PRDM1: variants seen among roughly 807,000 people sequenced by gnomAD.
The protein encoded by PRDM1 is PR/SET domain 1.
PRDM1 carries 13 observed loss-of-function variants against 62.8 expected under a neutral mutation model. That is an observed-to-expected ratio of 0.21 (90% CI 0.13 to 0.33). The LOEUF (loss-of-function observed/expected upper bound fraction) is 0.33. Among genes scored for constraint, PRDM1 ranks in the 10% least tolerant of loss-of-function variants. The pLI, the probability that PRDM1 is intolerant of heterozygous loss-of-function variation, is 1.00. For missense variants in PRDM1, 895 were observed against 1,058.8 expected, an observed-to-expected ratio of 0.85 and a Z score of 2.15; for synonymous variants, 396 against 417.6, an observed-to-expected ratio of 0.95 and a Z score of 0.63.
At chr6:106,079,439 A>T (rs1291393326) in intron 1 of PRDM1, among the ~76,000 whole-genome samples, 1 of 152,254 alleles carries the variant, frequency 6.6e-6, no homozygotes, top group Non-Finnish European at 1.5e-5. Context: ...AAGGCCAAAA[A>T]GCATATAATT....
At chr6:106,070,438 C>T (rs903885682) in intron 1 of PRDM1, among the ~76,000 whole-genome samples, 1 of 152,140 alleles carries the variant, frequency 6.6e-6, no homozygotes, top group South Asian at 2.1e-4. Context: ...TGCCTTACCA[C>T]AATCTATTTA....
At chr6:106,025,083 G>A (rs140925615) in intron 1 of PRDM1, among the ~76,000 whole-genome samples, 196 of 152,294 alleles carry the variant, frequency 1.3e-3, no homozygotes, top group Non-Finnish European at 2.4e-3. Context: ...AAATAGTGCT[G>A]TATAGAGGTG....
At chr6:105,996,202 C>T (rs73516741) in intron 1 of PRDM1, among the ~76,000 whole-genome samples, 7,225 of 152,152 alleles carry the variant, frequency 0.047, 359 homozygotes, top group African/African-American at 0.13. Context: ...CTAAATATAG[C>T]TTTCAAATAT....
chr6:106,031,628 AG>A (rs1353250061), intron 1 of PRDM1, among the ~76,000 whole-genome samples: 1 of 152,232 alleles, frequency 6.6e-6, no homozygotes, highest in Non-Finnish European at 1.5e-5. Context: ...GAGACCACCA[AG>A]GTGGGAAACA....
At chr6:106,021,481 C>T (rs550775186) in intron 1 of PRDM1, among the ~76,000 whole-genome samples, 1 of 152,292 alleles carries the variant, frequency 6.6e-6, no homozygotes, top group Non-Finnish European at 1.5e-5. Flanking sequence ...CTGAATTAAC[C>T]TGAGAGGCTC....
chr6:105,995,498 G>C (rs1421323378), intron 1 of PRDM1, among the ~76,000 whole-genome samples: 1 of 152,138 alleles, frequency 6.6e-6, no homozygotes, highest in East Asian at 1.9e-4. Flanking sequence ...GTGTAGGATA[G>C]AGGAAGAGCG....
intron 1 of PRDM1, among the ~76,000 whole-genome samples, chr6:106,005,875 G>C (rs995145815): frequency 6.6e-6 from 1 of 152,064 alleles, no homozygotes; most frequent in African/African-American, 2.4e-5. Context: ...AAAACTTTAC[G>C]GTTAGATATC....
chr6:106,066,177 T>C (rs1773431074), intron 1 of PRDM1, among the ~76,000 whole-genome samples: 1 of 152,158 alleles, frequency 6.6e-6, no homozygotes, highest in Non-Finnish European at 1.5e-5. Context: ...TGGTCATTAA[T>C]AGGCAAGCTT....
At position 106,034,306 on chromosome 6, in the gene PRDM1, GTTTGTTCTTTTCCTAGT is replaced by G. The variant is rs1265890690; in HGVS notation, c.-67+40669_-67+40685del. On this transcript the variant is annotated intron_variant, in intron 1 of 6. Transcript: ENST00000652320. ...CCTTCATCTTCTGGCTTTGGGTTTAGTTTGTTCTTTTCCTAGTTACTTAAGTTATATAGTTAGGTTGT... is the reference window on the plus strand; with the variant it reads ...CCTTCATCTTCTGGCTTTGGGTTTAGTACTTAAGTTATATAGTTAGGTTGT... 8.6e-5 allele frequency among the ~76,000 whole-genome samples: 13 copies of G among 151,726 alleles called. No homozygotes were observed. In the South Asian group the frequency reaches 2.5e-3, roughly 29 times the overall value.
chr6:106,014,884 G>T (rs1772601476), intron 1 of PRDM1, among the ~76,000 whole-genome samples: 1 of 152,156 alleles, frequency 6.6e-6, no homozygotes. Context: ...GTGAGCAGGG[G>T]TTTTGCTTTG....
chr6:106,097,314 C>T (rs1472397284), intron 3 of PRDM1, among the ~76,000 whole-genome samples: 1 of 152,198 alleles, frequency 6.6e-6, no homozygotes, highest in Admixed American at 6.5e-5. Context: ...TGAGAAAAGG[C>T]AAGAAGTACC....
At chr6:106,095,559 G>A (rs1774090395) in intron 2 of PRDM1, 56 bp from the exon 3 acceptor site, 3 of 1,579,654 alleles carry the variant, frequency 1.9e-6, no homozygotes, top group Non-Finnish European at 1.7e-6. Context: ...TAATTGAAAA[G>A]ATTGGTTAAC....
chr6:106,024,086 G>A (rs1772733604), intron 1 of PRDM1, among the ~76,000 whole-genome samples: 1 of 152,044 alleles, frequency 6.6e-6, no homozygotes, highest in South Asian at 2.1e-4. Flanking sequence ...AGGCTGCAAT[G>A]AGCCCTACTT....
chr6:106,003,671 C>T (rs1039554889), intron 1 of PRDM1, among the ~76,000 whole-genome samples: 1 of 152,214 alleles, frequency 6.6e-6, no homozygotes, highest in Non-Finnish European at 1.5e-5. Context: ...CTTTTGACCA[C>T]TTAGGAAGAA....
At chr6:106,101,793 AAATGGCAGTG>A (rs1259813842) in intron 4 of PRDM1, among the ~76,000 whole-genome samples, 2 of 152,250 alleles carry the variant, frequency 1.3e-5, no homozygotes, top group Admixed American at 6.5e-5. Context: ...ATGAGGGCTT[AAATGGCAGTG>A]ATGGTTCAGG....
chr6:106,077,747 C>T lies in PRDM1; in HGVS notation c.-66-10454C>T, dbSNP rs142299492. On this transcript the variant is annotated intron_variant, in intron 1 of 6. Transcript: ENST00000651185. ...TGTCTTCTAAAGAATGGGGGAATAT[C>T]ATCACTGGAGAAACCTTTTCTTTGT... is the stretch of plus-strand genomic sequence containing the variant. 2.0e-5 allele frequency among the ~76,000 whole-genome samples: 3 copies of T among 152,346 alleles called. No homozygotes were observed. In the East Asian group the frequency reaches 5.8e-4, roughly 29 times the overall value.
intron 2 of PRDM1, among the ~76,000 whole-genome samples, chr6:106,094,155 A>G (rs10499050): frequency 0.027 from 4,118 of 152,344 alleles, 63 homozygotes; most frequent in Middle Eastern, 0.054. Flanking sequence ...ATCGATTCAC[A>G]TATTTGAGTC....
At chr6:106,033,335 T>G (rs1772876940) in intron 1 of PRDM1, among the ~76,000 whole-genome samples, 1 of 150,454 alleles carries the variant, frequency 6.6e-6, no homozygotes, top group Non-Finnish European at 1.5e-5. Context: ...TTTTTTTTTG[T>G]AGAGACAGAA....
rs577389893 is a variant in PRDM1 at position 106,002,788 on chromosome 6, T to C, written c.-67+9149T>C. 2.0e-5 allele frequency among the ~76,000 whole-genome samples: 3 copies of C among 152,306 alleles called. No individual in the cohort carries two copies. The East Asian group carries it at 5.8e-4, about 29-fold the overall frequency. ...GCCCTAGATACTCTGTGTTTACCTA[T>C]AGAGAGTGTGGTTGCTCGTTCAAGG... On this transcript the variant is annotated intron_variant, in intron 1 of 6. Transcript: ENST00000652320.
Sources: gnomAD v4.1 joint callset for allele counts (sites outside exome capture counted in the v4.1 genomes callset) on GRCh38, gnomAD v4.1.1 for gene constraint, MANE v1.5 for transcripts, NCBI Gene and HGNC (gene_info 2026-07-23, HGNC 2026-07-21) for gene names.